Variants in DGKH observed in about 807,000 individuals in gnomAD.
DGKH encodes the protein diacylglycerol kinase eta.
Under a neutral mutation model 159.3 loss-of-function variants are expected in DGKH, and 90 were observed. That is an observed-to-expected ratio of 0.57 (90% confidence interval 0.48 to 0.67). DGKH has a LOEUF of 0.67. DGKH is among the 30% of genes least tolerant of loss of function. DGKH has a pLI of 0.00. For synonymous variants in DGKH, 536 were observed against 553.8 expected, an observed-to-expected ratio of 0.97 and a Z score of 0.45; for missense variants, 1,181 against 1,506.1, an observed-to-expected ratio of 0.78 and a Z score of 3.57.
intron 1 of DGKH, among the ~76,000 whole-genome samples, chr13:42,079,297 ATACCAAGTTATGGGTATATG>A (rs1004278535): frequency 2.0e-5 from 3 of 152,146 alleles, no homozygotes; most frequent in Non-Finnish European, 4.4e-5. Context: ...TAAAAAATAT[ATACCAAGTTATGGGTATATG>A]TACAAAGTTA....
chr13:42,201,518 G>A (rs916632176), intron 20 of DGKH, among the ~76,000 whole-genome samples: 3 of 152,192 alleles, frequency 2.0e-5, no homozygotes, highest in Admixed American at 2.0e-4. Flanking sequence ...CAGCTCTTCA[G>A]AAATAGGATT....
chr13:42,052,644 C>T (rs1566076132), intron 1 of DGKH, among the ~76,000 whole-genome samples: 1 of 152,220 alleles, frequency 6.6e-6, no homozygotes, highest in Admixed American at 6.5e-5. Flanking sequence ...TTTGAAACAA[C>T]GCTAATACAG....
At chr13:42,049,773 C>T (rs1881130800) in intron 1 of DGKH, among the ~76,000 whole-genome samples, 1 of 152,190 alleles carries the variant, frequency 6.6e-6, no homozygotes, top group South Asian at 2.1e-4. Flanking sequence ...GAAGCTTGTG[C>T]TGTCGACCTG....
At chr13:42,160,374 C>T (rs10492443) in intron 7 of DGKH, among the ~76,000 whole-genome samples, 19,275 of 152,168 alleles carry the variant, frequency 0.13, 1,584 homozygotes, top group Admixed American at 0.22. Context: ...GATCTCTTAC[C>T]CATAGTTGTA....
chr13:42,164,429 G>A (rs1407845645), intron 7 of DGKH, among the ~76,000 whole-genome samples: 1 of 152,090 alleles, frequency 6.6e-6, no homozygotes, highest in Non-Finnish European at 1.5e-5. Context: ...TCTAAAAACA[G>A]GTCTTCACCA....
intron 1 of DGKH, among the ~76,000 whole-genome samples, chr13:42,075,867 A>G (rs902580292): frequency 6.6e-6 from 1 of 152,150 alleles, no homozygotes; most frequent in African/African-American, 2.4e-5. Context: ...CTTGATTTCT[A>G]TGCTTCTAAT....
At position 42,207,123 on chromosome 13, in the gene DGKH, CTCCTTCCTTCCTTCCTTCCTTCCT is replaced by C. The variant is rs377514975; in HGVS notation, c.2601+1028_2601+1051del. On this transcript the variant is annotated intron_variant, in intron 21 of 29. Coordinates refer to ENST00000337343, the MANE Select transcript of DGKH (RefSeq NM_178009.5). ...TTTCTTTCTTTCTTTCTCTTTCTCT[CTCCTTCCTTCCTTCCTTCCTTCCT>C]TCCTTCCTTCCTTCCTTCCTTCCTT... Among the ~76,000 whole-genome samples the C allele has an allele frequency of 3.3e-3, 172 of 52,292 alleles. 6 individuals are homozygous for C. Among genetic ancestry groups the C allele is most frequent in the Admixed American group, 0.011 (47 of 4,476 alleles). The allele number at this position is 52,292 out of a possible 152,430, so 34.3% of individuals were successfully genotyped here. A position where few individuals can be genotyped will look rare whatever the true frequency, so the allele number is the denominator to read the frequency against.
At chr13:42,168,967 T>C in intron 11 of DGKH, 149 bp downstream of exon 11, 2 of 836,762 alleles carry the variant, frequency 2.4e-6, no homozygotes, top group Non-Finnish European at 3.5e-6. Flanking sequence ...CACTGGTTAA[T>C]CCCTGAGATG....
At chr13:42,185,179 C>A (rs1430656582) in intron 13 of DGKH, among the ~76,000 whole-genome samples, 1 of 152,180 alleles carries the variant, frequency 6.6e-6, no homozygotes, top group African/African-American at 2.4e-5. Context: ...AATAACTCTA[C>A]ATTCACTATT....
intron 20 of DGKH, among the ~76,000 whole-genome samples, chr13:42,200,390 T>C (rs2138156097): frequency 6.6e-6 from 1 of 152,366 alleles, no homozygotes; most frequent in East Asian, 1.9e-4. Flanking sequence ...TACTGTTTTT[T>C]ACTAATTTAA....
chr13:42,158,765 C>A (rs940303995), intron 5 of DGKH, among the ~76,000 whole-genome samples: 3 of 152,110 alleles, frequency 2.0e-5, no homozygotes, highest in Non-Finnish European at 2.9e-5. Flanking sequence ...CTTTACAGCC[C>A]CCTGGATCAA....
At chr13:42,193,726 G>A (rs182697925) in intron 16 of DGKH, among the ~76,000 whole-genome samples, 2 of 152,234 alleles carry the variant, frequency 1.3e-5, no homozygotes, top group East Asian at 3.9e-4. Flanking sequence ...TTAAAAAAGG[G>A]GTGGCTGTTC....
chr13:42,192,705 C>G (rs566701121), intron 16 of DGKH, among the ~76,000 whole-genome samples: 57 of 152,016 alleles, frequency 3.7e-4, no homozygotes, highest in African/African-American at 1.3e-3. Flanking sequence ...CCAAAAACAG[C>G]TTTGGTGGGA....
At chr13:42,065,583 G>T in intron 1 of DGKH, among the ~76,000 whole-genome samples, 1 of 152,158 alleles carries the variant, frequency 6.6e-6, no homozygotes, top group East Asian at 1.9e-4. Context: ...AGGCCCCAGG[G>T]TGTGTGGAGT....
chr13:42,141,423 G>A (rs984186218), intron 3 of DGKH, among the ~76,000 whole-genome samples: 7 of 152,220 alleles, frequency 4.6e-5, no homozygotes, highest in Middle Eastern at 3.4e-3. Flanking sequence ...CCCAGTAATG[G>A]GATGGCTGGG....
intron 1 of DGKH, among the ~76,000 whole-genome samples, chr13:42,072,323 AC>A (rs1883027761): frequency 6.6e-6 from 1 of 152,198 alleles, no homozygotes; most frequent in South Asian, 2.1e-4. Flanking sequence ...AATCTCTGTA[AC>A]CCAGCCTTAT....
intron 25 of DGKH, 58 bp from the exon 26 acceptor site, chr13:42,215,517 T>C (rs999946037): frequency 1.6e-6 from 2 of 1,268,954 alleles, no homozygotes; most frequent in South Asian, 1.6e-5. Flanking sequence ...AAAGTGTTTA[T>C]GGTAATGAAA....
In DGKH at chr13:42,130,174, T is replaced by G. The variant is rs566483244; in HGVS notation, c.384+542T>G. On this transcript the variant is annotated intron_variant, in intron 3 of 29. Transcript: ENST00000337343. ...CAAATGGCATCCCCCAACTCAGTCT[T>G]CAGATCTTGTAAGATCATGCCTCAG... Among the ~76,000 whole-genome samples the G allele has an allele frequency of 5.3e-5, 8 of 152,316 alleles. No homozygotes were observed. In the South Asian group the frequency reaches 1.7e-3, roughly 32 times the overall value.
chr13:42,130,524 T>C (rs1435886011), intron 3 of DGKH, among the ~76,000 whole-genome samples: 2 of 152,278 alleles, frequency 1.3e-5, no homozygotes, highest in African/African-American at 2.4e-5. Flanking sequence ...TATAACTACA[T>C]ACTCCCTAGG....
Sources: gnomAD v4.1 joint callset for allele counts (sites outside exome capture counted in the v4.1 genomes callset) on GRCh38, gnomAD v4.1.1 for gene constraint, MANE v1.5 for transcripts, NCBI Gene and HGNC (gene_info 2026-07-23, HGNC 2026-07-21) for gene names.